The following SNTG1 variants were observed in gnomAD, a reference collection of about 807,000 sequenced individuals.
SNTG1 encodes gamma-1-syntrophin.
In SNTG1, 39 loss-of-function variants were observed where a neutral mutation model predicts 74.7. That is an observed-to-expected ratio of 0.52 (90% CI 0.40 to 0.68). The LOEUF is 0.68. Ranked by LOEUF, SNTG1 falls within the 30% of genes least tolerant of loss-of-function variation. The pLI, the probability that SNTG1 is intolerant of heterozygous loss-of-function variation, is 0.00. For missense variants in SNTG1, 685 were observed against 609.5 expected (o/e 1.12, Z -1.30); for synonymous variants, 254 against 217.1 (o/e 1.17, Z -1.49).
chr8:50,301,849 G>T (rs2130672179), intron 2 of SNTG1, among the ~76,000 whole-genome samples: 1 of 114,188 alleles, frequency 8.8e-6, no homozygotes, highest in South Asian at 2.8e-4. Flanking sequence ...TTTGTTTTCT[G>T]TTTTTGTTTT....
rs1364025437 is a variant in SNTG1 at position 50,394,230 on chromosome 8, C to T, written c.-9C>T. 7 of 1,612,586 alleles carry T rather than the reference C, an allele frequency of 4.3e-6. No homozygotes were observed. The highest frequency in any genetic ancestry group is 5.9e-6 in the Non-Finnish European group (7 of 1,179,116). ...TTTTCAGACGACATCCTTTGTGGTG[C>T]CACAGCACATGGATTTCAGAACCGC... On this transcript the variant is annotated 5_prime_UTR_variant, in exon 3 of 19. Coordinates refer to ENST00000642720, the MANE Select transcript of SNTG1 (RefSeq NM_018967.5).
chr8:50,433,385 A>G (rs2093263292), intron 4 of SNTG1, among the ~76,000 whole-genome samples: 1 of 152,114 alleles, frequency 6.6e-6, no homozygotes, highest in Admixed American at 6.5e-5. Flanking sequence ...TTGAATGGCA[A>G]TGGTGAACAG....
At chr8:50,549,844 T>G (rs772447223) in intron 11 of SNTG1, among the ~76,000 whole-genome samples, 32 of 152,104 alleles carry the variant, frequency 2.1e-4, no homozygotes, top group Non-Finnish European at 3.8e-4. Context: ...CCCAATAGGG[T>G]GGAGTAGCTT....
intron 15 of SNTG1, among the ~76,000 whole-genome samples, chr8:50,669,557 C>A (rs1320481075): frequency 6.6e-6 from 1 of 152,082 alleles, no homozygotes; most frequent in African/African-American, 2.4e-5. Context: ...CAATAGCTTA[C>A]CAACGAAAAA....
At chr8:50,344,587 G>A (rs1048807371) in intron 2 of SNTG1, among the ~76,000 whole-genome samples, 7 of 152,160 alleles carry the variant, frequency 4.6e-5, no homozygotes, top group Admixed American at 4.6e-4. Flanking sequence ...TACCACATCT[G>A]CCCTCTGGCC....
At chr8:50,773,797 A>G (rs1195877467) in intron 18 of SNTG1, among the ~76,000 whole-genome samples, 1 of 152,120 alleles carries the variant, frequency 6.6e-6, no homozygotes, top group East Asian at 1.9e-4. Context: ...TGCACTTACT[A>G]GTAAAATAAT....
intron 1 of SNTG1, among the ~76,000 whole-genome samples, chr8:50,034,148 C>T (rs1337866965): frequency 6.6e-6 from 1 of 152,146 alleles, no homozygotes; most frequent in Non-Finnish European, 1.5e-5. Flanking sequence ...CTCTCAGGAT[C>T]TGGACTTTGG....
intron 1 of SNTG1, among the ~76,000 whole-genome samples, chr8:49,956,661 A>G (rs1810203779): frequency 6.6e-6 from 1 of 152,066 alleles, no homozygotes; most frequent in Non-Finnish European, 1.5e-5. Flanking sequence ...CTCTGCATGT[A>G]TTTGTTTTCA....
At chr8:50,149,403 C>T (rs1169008499) in intron 1 of SNTG1, among the ~76,000 whole-genome samples, 1 of 152,140 alleles carries the variant, frequency 6.6e-6, no homozygotes, top group Non-Finnish European at 1.5e-5. Flanking sequence ...TGATTAGATC[C>T]CATTTGTCAA....
chr8:50,090,707 G>T (rs1399315541), intron 1 of SNTG1, among the ~76,000 whole-genome samples: 2 of 152,066 alleles, frequency 1.3e-5, no homozygotes, highest in Non-Finnish European at 2.9e-5. Context: ...AAAATATCAA[G>T]GGCTGCTGAC....
chr8:50,264,722 T>C (rs961540293), intron 2 of SNTG1, among the ~76,000 whole-genome samples: 7 of 151,918 alleles, frequency 4.6e-5, no homozygotes, highest in African/African-American at 7.2e-5. Flanking sequence ...GTTGATACTT[T>C]GAAAACACCT....
At chr8:49,915,286 T>C (rs1805926692) in intron 1 of SNTG1, among the ~76,000 whole-genome samples, 1 of 152,198 alleles carries the variant, frequency 6.6e-6, no homozygotes, top group African/African-American at 2.4e-5. Flanking sequence ...TCAATGATTT[T>C]GAGAGTGTTT....
intron 1 of SNTG1, among the ~76,000 whole-genome samples, chr8:50,018,374 T>C (rs979433629): frequency 5.3e-5 from 8 of 151,992 alleles, no homozygotes; most frequent in African/African-American, 1.9e-4. Flanking sequence ...ATGACAACAG[T>C]GCCAAGATCA....
chr8:50,713,217 C>G (rs914358022), intron 17 of SNTG1, among the ~76,000 whole-genome samples: 1 of 152,140 alleles, frequency 6.6e-6, no homozygotes, highest in Non-Finnish European at 1.5e-5. Flanking sequence ...CATGGTATCA[C>G]GTTGTGGTTT....
At chr8:50,574,979 T>C (rs1215151460) in intron 12 of SNTG1, among the ~76,000 whole-genome samples, 1 of 152,208 alleles carries the variant, frequency 6.6e-6, no homozygotes, top group Non-Finnish European at 1.5e-5. Flanking sequence ...AATCTATTGA[T>C]GTTTGATCAT....
At chr8:50,495,362 C>T (rs770507302) in intron 8 of SNTG1, among the ~76,000 whole-genome samples, 3 of 152,148 alleles carry the variant, frequency 2.0e-5, no homozygotes, top group Admixed American at 6.5e-5. Context: ...TCTGACTCCC[C>T]ATCCCTAATG....
chr8:50,358,690 T>A (rs1012968170), intron 2 of SNTG1, among the ~76,000 whole-genome samples: 3 of 152,186 alleles, frequency 2.0e-5, no homozygotes, highest in East Asian at 1.9e-4. Flanking sequence ...ATTAAAAAAA[T>A]TTACTTTTAA....
chr8:50,632,162 ATTATAT>A (rs776350836), intron 13 of SNTG1, among the ~76,000 whole-genome samples: 3 of 152,136 alleles, frequency 2.0e-5, no homozygotes, highest in African/African-American at 4.8e-5. Flanking sequence ...TGTCAAGTAC[ATTATAT>A]TTATATTTAT....
At chr8:50,169,964 G>A (rs1563689402) in intron 1 of SNTG1, among the ~76,000 whole-genome samples, 1 of 152,112 alleles carries the variant, frequency 6.6e-6, no homozygotes. Flanking sequence ...TAATAATAAT[G>A]AAGTAAAAAT....
Sources: allele counts gnomAD v4.1 joint callset (sites outside exome capture counted in the v4.1 genomes callset), GRCh38; gene constraint gnomAD v4.1.1; transcripts MANE v1.5; gene names NCBI Gene and HGNC (gene_info 2026-07-23, HGNC 2026-07-21).